The following CFAP184 variants were observed in gnomAD, a reference collection of about 807,000 sequenced individuals.
CFAP184 encodes the protein cilia and flagella associated protein 184, also known as cilia- and flagella-associated protein 184.
the CFAP184 span, chr4:7,042,557 C>G: frequency 6.4e-7 from 1 of 1,570,246 alleles, no homozygotes; most frequent in Non-Finnish European, 8.6e-7. Flanking sequence ...TGCTCCAGTT[C>G]CTCCGCCCCC....
the CFAP184 span, chr4:7,042,520 A>C: frequency 6.2e-7 from 1 of 1,604,550 alleles, no homozygotes; most frequent in Non-Finnish European, 8.5e-7. Context: ...AGAGGCCTGG[A>C]ACCTGACTTC....
the CFAP184 span, chr4:7,042,858 C>CT: frequency 8.9e-5 from 140 of 1,572,868 alleles, no homozygotes; most frequent in Admixed American, 3.1e-4. Flanking sequence ...TGGCCTTGAT[C>CT]TTGGACGGCC....
chr4:7,041,999 G>C, the CFAP184 span: 5 of 1,612,116 alleles, frequency 3.1e-6, no homozygotes, highest in Non-Finnish European at 4.2e-6. Flanking sequence ...TGGCACTGCC[G>C]CTTCAACTGG....
the CFAP184 span, chr4:7,042,626 C>G: frequency 6.6e-7 from 1 of 1,510,788 alleles, no homozygotes; most frequent in East Asian, 2.4e-5. Flanking sequence ...GGCTCCTCAG[C>G]CCCAACCTCG....
At chr4:7,042,867 C>A in the CFAP184 span, 1 of 1,570,306 alleles carries the variant, frequency 6.4e-7, no homozygotes, top group Non-Finnish European at 8.6e-7. Flanking sequence ...TCTTGGACGG[C>A]CGCGCGGCCA....
the CFAP184 span, chr4:7,042,551 C>T: frequency 1.9e-6 from 3 of 1,575,098 alleles, no homozygotes; most frequent in East Asian, 6.8e-5. Flanking sequence ...GCCGCCTGCT[C>T]CAGTTCCTCC....
chr4:7,041,470 G>A, the CFAP184 span: 14 of 1,614,186 alleles, frequency 8.7e-6, no homozygotes, highest in Admixed American at 1.7e-5. Flanking sequence ...GATGTTGTCC[G>A]TCCGCAGCCC....
chr4:7,042,063 C>T, the CFAP184 span: 1 of 1,610,920 alleles, frequency 6.2e-7, no homozygotes, highest in Non-Finnish European at 8.5e-7. Flanking sequence ...TCTTCAGCTC[C>T]TCCAGCATGC....
At chr4:7,042,673 C>T in the CFAP184 span, 2 of 1,505,618 alleles carry the variant, frequency 1.3e-6, no homozygotes, top group Non-Finnish European at 1.8e-6. Flanking sequence ...CTCGGCCGGC[C>T]TCCCCGGCTC....
chr4:7,042,580 A>G, the CFAP184 span: 1 of 1,550,572 alleles, frequency 6.4e-7, no homozygotes, highest in Non-Finnish European at 8.7e-7. Context: ...CTCCGCCTCT[A>G]GTTCCTCGGG....
chr4:7,041,545 G>A, the CFAP184 span: 1 of 1,614,232 alleles, frequency 6.2e-7, no homozygotes, highest in African/African-American at 1.3e-5. Context: ...CTCGATTTCT[G>A]CCAGCTGTGT....
the CFAP184 span, chr4:7,042,194 G>C: frequency 6.3e-7 from 1 of 1,599,834 alleles, no homozygotes; most frequent in Non-Finnish European, 8.5e-7. Flanking sequence ...TTGTGCTGCA[G>C]GTATAGGTTG....
chr4:7,042,611 G>T, the CFAP184 span: 1 of 1,515,126 alleles, frequency 6.6e-7, no homozygotes. Flanking sequence ...GGCTCCGGCT[G>T]GGCGGGCTCC....
the CFAP184 span, chr4:7,042,570 C>T: frequency 1.9e-5 from 30 of 1,561,348 alleles, no homozygotes; most frequent in Non-Finnish European, 2.6e-5. Flanking sequence ...CCGCCCCCGC[C>T]TCCGCCTCTA....
chr4:7,040,953 A>G, the CFAP184 span: 1 of 255,210 alleles, frequency 3.9e-6, no homozygotes, highest in Non-Finnish European at 7.4e-6. Context: ...AAAGAGGAAC[A>G]GTACTCTTTA....
At chr4:7,041,471 T>C in the CFAP184 span, 3 of 1,614,238 alleles carry the variant, frequency 1.9e-6, no homozygotes, top group Non-Finnish European at 2.5e-6. Context: ...ATGTTGTCCG[T>C]CCGCAGCCCC....
chr4:7,042,730 G>C, the CFAP184 span: 30 of 1,519,220 alleles, frequency 2.0e-5, no homozygotes, highest in African/African-American at 3.8e-4. Flanking sequence ...TAGCCCTTTC[G>C]GGGCCTCGGC....
the CFAP184 span, chr4:7,042,639 C>T: frequency 2.0e-6 from 3 of 1,489,800 alleles, no homozygotes; most frequent in South Asian, 2.6e-5. Flanking sequence ...CAACCTCGGC[C>T]GGCTCTTCGG....
chr4:7,042,869 G>T, the CFAP184 span: 1 of 1,568,146 alleles, frequency 6.4e-7, no homozygotes, highest in South Asian at 1.2e-5. Context: ...TTGGACGGCC[G>T]CGCGGCCAGG....
Sources: gnomAD v4.1 joint callset for allele counts on GRCh38, gnomAD v4.1.1 for gene constraint, MANE v1.5 for transcripts, NCBI Gene and HGNC (gene_info 2026-07-23, HGNC 2026-07-21) for gene names.